Variants in ADGRB3 observed in about 807,000 individuals in gnomAD.
ADGRB3 encodes the protein adhesion G protein-coupled receptor B3, also known as brain-specific angiogenesis inhibitor 3.
Under a neutral mutation model 193.4 loss-of-function variants are expected in ADGRB3, and 37 were observed. That is an observed-to-expected ratio of 0.19 (90% CI 0.15 to 0.25). The LOEUF is 0.25. ADGRB3 is among the 10% of genes least tolerant of loss of function. The pLI, the probability that ADGRB3 is intolerant of heterozygous loss-of-function variation, is 1.00. For synonymous variants in ADGRB3, 690 were observed against 644.2 expected, an observed-to-expected ratio of 1.07 and a Z score of -1.08; for missense variants, 1,637 against 1,852.9, an observed-to-expected ratio of 0.88 and a Z score of 2.14.
intron 3 of ADGRB3, among the ~76,000 whole-genome samples, chr6:68,655,760 ATTGT>A (rs1768477211): frequency 6.6e-6 from 1 of 151,548 alleles, no homozygotes; most frequent in Non-Finnish European, 1.5e-5. Flanking sequence ...TTATTTAGAG[ATTGT>A]TTGACAAAGG....
chr6:68,837,800 C>T lies in ADGRB3; in HGVS notation c.758-92759C>T, dbSNP rs149104559. Reference sequence around the variant, plus strand: ...CCTCTGAGTGGATTTATCGTTTGAGCCACCTGTGTACTTAGACTCCCACTC... The same window carrying T: ...CCTCTGAGTGGATTTATCGTTTGAGTCACCTGTGTACTTAGACTCCCACTC... On this transcript the variant is annotated intron_variant, in intron 3 of 31. Transcript: ENST00000370598. Among the ~76,000 whole-genome samples, 60 of 152,226 alleles carry T rather than the reference C, an allele frequency of 3.9e-4. 2 individuals carry two copies. The South Asian group carries it at 5.6e-3, about 14-fold the overall frequency.
intron 11 of ADGRB3, among the ~76,000 whole-genome samples, chr6:68,994,316 TA>T (rs1335030626): frequency 2.6e-5 from 4 of 152,138 alleles, no homozygotes; most frequent in Non-Finnish European, 5.9e-5. Flanking sequence ...AAAAATGCAT[TA>T]AGCATAATGA....
chr6:68,782,292 G>C (rs1171003470), intron 3 of ADGRB3, among the ~76,000 whole-genome samples: 1 of 151,706 alleles, frequency 6.6e-6, no homozygotes, highest in Admixed American at 6.6e-5. Flanking sequence ...TCCCTACAAA[G>C]GACATGAACT....
chr6:69,340,128 T>G (rs1361095034), intron 26 of ADGRB3, among the ~76,000 whole-genome samples: 2 of 152,146 alleles, frequency 1.3e-5, no homozygotes, highest in African/African-American at 4.8e-5. Flanking sequence ...ACTGTAGAGG[T>G]ATTATCATAT....
At chr6:69,208,837 A>G (rs777114612) in intron 17 of ADGRB3, among the ~76,000 whole-genome samples, 2 of 152,218 alleles carry the variant, frequency 1.3e-5, no homozygotes, top group Non-Finnish European at 2.9e-5. Context: ...GGTGCTATAC[A>G]TAACCCATTT....
At chr6:69,186,102 C>T (rs528841115) in intron 17 of ADGRB3, among the ~76,000 whole-genome samples, 2 of 144,206 alleles carry the variant, frequency 1.4e-5, no homozygotes, top group South Asian at 4.4e-4. Context: ...AAAGCCTGCT[C>T]AGAGGGGTAA....
At chr6:68,982,936 T>C (rs1478536200) in intron 10 of ADGRB3, among the ~76,000 whole-genome samples, 2 of 151,354 alleles carry the variant, frequency 1.3e-5, no homozygotes, top group Non-Finnish European at 3.0e-5. Context: ...TTGGCTTACC[T>C]CAGAAAAGAT....
intron 17 of ADGRB3, among the ~76,000 whole-genome samples, chr6:69,107,049 A>G (rs1302441482): frequency 6.6e-6 from 1 of 152,124 alleles, no homozygotes; most frequent in Non-Finnish European, 1.5e-5. Context: ...TCATGCCACT[A>G]TTTTATGTAA....
At chr6:68,652,695 A>G (rs1192186378) in intron 3 of ADGRB3, among the ~76,000 whole-genome samples, 3 of 152,142 alleles carry the variant, frequency 2.0e-5, no homozygotes, top group Non-Finnish European at 4.4e-5. Context: ...AATGTAATAC[A>G]TTTGGGTGGT....
chr6:68,984,853 C>A (rs2150270642), intron 10 of ADGRB3, among the ~76,000 whole-genome samples: 1 of 151,730 alleles, frequency 6.6e-6, no homozygotes, highest in African/African-American at 2.4e-5. Context: ...GTGAAAAGAG[C>A]TTAGTGGGTT....
intron 20 of ADGRB3, among the ~76,000 whole-genome samples, chr6:69,281,220 TG>T (rs1264769862): frequency 6.6e-6 from 1 of 152,126 alleles, no homozygotes; most frequent in African/African-American, 2.4e-5. Context: ...CCTGAAAGAG[TG>T]GTGAAAACAT....
chr6:69,235,919 A>G (rs1178636467), intron 19 of ADGRB3, among the ~76,000 whole-genome samples: 1 of 151,918 alleles, frequency 6.6e-6, no homozygotes, highest in African/African-American at 2.4e-5. Context: ...AAATTTTTAA[A>G]TGTTAAACAT....
At chr6:69,213,665 A>G (rs577807774) in intron 17 of ADGRB3, among the ~76,000 whole-genome samples, 353 of 152,060 alleles carry the variant, frequency 2.3e-3, no homozygotes, top group African/African-American at 8.0e-3. Flanking sequence ...CCTTCCTCCT[A>G]CTTCTATTTT....
intron 1 of ADGRB3, among the ~76,000 whole-genome samples, chr6:68,636,578 G>A (rs1767963894): frequency 1.3e-5 from 2 of 151,866 alleles, no homozygotes; most frequent in South Asian, 4.2e-4. Context: ...AGTCCAAAGG[G>A]GGGTGAGGGT....
chr6:69,072,532 A>AT (rs900074668), intron 16 of ADGRB3, among the ~76,000 whole-genome samples: 122 of 149,874 alleles, frequency 8.1e-4, no homozygotes, highest in Middle Eastern at 6.9e-3. Flanking sequence ...TTCTTTTCTA[A>AT]TTTTTTTTTT....
At chr6:69,343,028 G>A (rs1167625231) in intron 26 of ADGRB3, among the ~76,000 whole-genome samples, 5 of 123,170 alleles carry the variant, frequency 4.1e-5, no homozygotes, top group Admixed American at 1.6e-4. Flanking sequence ...CTGTGGAGGA[G>A]GTGGATCTAC....
chr6:69,173,230 G>A (rs1775333768), intron 17 of ADGRB3, among the ~76,000 whole-genome samples: 1 of 152,166 alleles, frequency 6.6e-6, no homozygotes, highest in African/African-American at 2.4e-5. Flanking sequence ...TAGAGATGGG[G>A]TTTCACCATG....
At chr6:69,258,516 C>A (rs910768214) in intron 20 of ADGRB3, among the ~76,000 whole-genome samples, 1 of 152,142 alleles carries the variant, frequency 6.6e-6, no homozygotes, top group Admixed American at 6.5e-5. Flanking sequence ...ACTGCAAATT[C>A]GTTGCAGAAA....
chr6:68,826,059 T>A (rs1767838188), intron 3 of ADGRB3, among the ~76,000 whole-genome samples: 1 of 151,956 alleles, frequency 6.6e-6, no homozygotes, highest in Non-Finnish European at 1.5e-5. Flanking sequence ...ATTCAGCAGA[T>A]ATATTTTGAA....
Sources: allele counts gnomAD v4.1 joint callset (sites outside exome capture counted in the v4.1 genomes callset), GRCh38; gene constraint gnomAD v4.1.1; transcripts MANE v1.5; gene names NCBI Gene and HGNC (gene_info 2026-07-23, HGNC 2026-07-21).